HBD: variants seen among roughly 807,000 people sequenced by gnomAD.
HBD encodes the protein hemoglobin subunit delta.
Under a neutral mutation model 9.2 loss-of-function variants are expected in HBD, and 11 were observed. That is an observed-to-expected ratio of 1.20 (90% confidence interval 0.76 to 1.99). HBD has a LOEUF of 1.99. HBD is among the 30% of genes most tolerant of loss of function. The pLI is 0.00. For synonymous variants in HBD, 83 were observed against 69.4 expected, an observed-to-expected ratio of 1.20 and a Z score of -0.98; for missense variants, 189 against 174.3, an observed-to-expected ratio of 1.08 and a Z score of -0.47.
rs1195647817 is a variant in HBD at position 5,232,866 on chromosome 11, A to T, written c.*98T>A. ...AGCTGAACATTCTTTATTAGGCAGA[A>T]GCCATACCCTTGAAGTAGGCATTGT... On this transcript the variant is annotated 3_prime_UTR_variant, in exon 3 of 3. Transcript: ENST00000650601. 1.3e-5 allele frequency: 21 copies of T among 1,613,234 alleles called. No individual in the cohort carries two copies. Among genetic ancestry groups the T allele is most frequent in the Middle Eastern group, 1.6e-4 (1 of 6,082 alleles).
chr11:5,233,165 G>T, intron 2 of HBD, 73 bp from the exon 3 acceptor site: 1 of 1,545,044 alleles, frequency 6.5e-7, no homozygotes, highest in Non-Finnish European at 8.9e-7. Context: ...GAGAAACTGA[G>T]CCAACACCCA....
At chr11:5,233,232 A>G (rs1020181861) in intron 2 of HBD, 140 bp from the exon 3 acceptor site, 22 of 779,066 alleles carry the variant, frequency 2.8e-5, no homozygotes, top group Non-Finnish European at 4.4e-5. Context: ...CCATCAGCAT[A>G]AATAAGTACA....
In HBD at chr11:5,234,337, C is replaced by T; in HGVS notation, c.92+5G>A. Reference sequence around the variant, plus strand: ...TTGAGCCTCTCTTATAACCTTGATACCAACCTGCCCAGGGCCTCACCACCA... The same window carrying T: ...TTGAGCCTCTCTTATAACCTTGATATCAACCTGCCCAGGGCCTCACCACCA... On this transcript the variant is annotated splice_donor_5th_base_variant and intron_variant, in intron 1 of 2. Coordinates refer to ENST00000650601, the MANE Select transcript of HBD (RefSeq NM_000519.4). 6.2e-7 allele frequency: 1 copy of T among 1,613,224 alleles called. No homozygotes were observed. The highest frequency in any genetic ancestry group is 1.7e-4 in the Middle Eastern group (1 of 6,060).
Position 5,234,432 on chromosome 11 carries a change from ATGGTGTC to A in HBD, c.-6_1del, listed in dbSNP as rs758204272. ...CTTCTCCTCAGGAGTCAGATGCACC[ATGGTGTC>A]TGTTTGAGGTTGCTAGTGAACACTG... On this transcript the variant is annotated start_lost and start_retained_variant and 5_prime_UTR_variant, in exon 1 of 3. Transcript: ENST00000650601. The A allele has an allele frequency of 3.1e-6, 5 of 1,610,612 alleles. No homozygotes were observed. In the Admixed American group the frequency reaches 8.3e-5, roughly 27 times the overall value.
In HBD at chr11:5,232,896, C is replaced by T. The variant is rs1200979814; in HGVS notation, c.*68G>A. On this transcript the variant is annotated 3_prime_UTR_variant, in exon 3 of 3. Coordinates refer to ENST00000650601, the MANE Select transcript of HBD (RefSeq NM_000519.4). Reference sequence around the variant, plus strand: ...TACCCTTGAAGTAGGCATTGTGTTCCCAAGTTCAGAAAATAGAATCTAGGG... The same window carrying T: ...TACCCTTGAAGTAGGCATTGTGTTCTCAAGTTCAGAAAATAGAATCTAGGG... The T allele has an allele frequency of 1.2e-6, 2 of 1,613,066 alleles. No homozygotes were observed. Among genetic ancestry groups the T allele is most frequent in the Non-Finnish European group, 1.7e-6 (2 of 1,179,120 alleles).
Position 5,232,927 on chromosome 11 carries a change from G to C in HBD, c.*37C>G. On this transcript the variant is annotated 3_prime_UTR_variant, in exon 3 of 3. Coordinates refer to ENST00000650601, the MANE Select transcript of HBD (RefSeq NM_000519.4). Reference sequence around the variant, plus strand: ...TCAGAAAATAGAATCTAGGGAAATAGGGTCTTCTTATGGTTATCAGGAAAC... The same window carrying C: ...TCAGAAAATAGAATCTAGGGAAATACGGTCTTCTTATGGTTATCAGGAAAC... 2 of 1,613,672 alleles carry C rather than the reference G, an allele frequency of 1.2e-6. No individual in the cohort carries two copies. Among genetic ancestry groups the C allele is most frequent in the Non-Finnish European group, 1.7e-6 (2 of 1,179,628 alleles).
chr11:5,233,621 A>C (rs1421431103), intron 2 of HBD, among the ~76,000 whole-genome samples: 1 of 152,146 alleles, frequency 6.6e-6, no homozygotes, highest in Non-Finnish European at 1.5e-5. Context: ...CCTCTAAAAC[A>C]GTATTCTATG....
chr11:5,234,133 T>C lies in HBD; in HGVS notation c.173A>G (p.Asn58Ser). The C allele has an allele frequency of 1.9e-6, 3 of 1,614,064 alleles. No individual in the cohort carries two copies. In the African/African-American group the frequency reaches 4.0e-5, roughly 22 times the overall value. The part of the protein sequence containing the change: ...DLSSPDAVMG[N>S]PKVKAHGKKV... ...CTTGCCATGAGCCTTCACCTTAGGGTTGCCCATAACAGCATCAGGAGAGGA... is the reference window on the plus strand; with the variant it reads ...CTTGCCATGAGCCTTCACCTTAGGGCTGCCCATAACAGCATCAGGAGAGGA... The change falls in exon 2 of 3, where the codon AAC (asparagine) becomes AGC (serine). Residue 58 changes from asparagine (N) to serine (S), a missense_variant. Physicochemically the swap from Asn to Ser is conservative, Grantham distance 46 (BLOSUM62 1). Coordinates refer to ENST00000650601, the MANE Select transcript of HBD (RefSeq NM_000519.4).
chr11:5,234,142 A>G lies in HBD; in HGVS notation c.164T>C (p.Val55Ala). The G allele has an allele frequency of 6.2e-7, 1 of 1,614,088 alleles. No individual in the cohort carries two copies. Among genetic ancestry groups the G allele is most frequent in the Non-Finnish European group, 8.5e-7 (1 of 1,179,986 alleles). The change falls in exon 2 of 3, where the codon GTT (valine) becomes GCT (alanine). Residue 55 changes from valine (V) to alanine (A), a missense_variant. By Grantham distance (64) the Val-to-Ala change is moderately conservative. Transcript: ENST00000650601. ...SFGDLSSPDA[V>A]MGNPKVKAHG... ...AGCCTTCACCTTAGGGTTGCCCATA[A>G]CAGCATCAGGAGAGGACAGATCCCC...
intron 2 of HBD, among the ~76,000 whole-genome samples, 153 bp downstream of exon 2, chr11:5,233,838 A>C (rs1208730731): frequency 6.6e-6 from 1 of 152,224 alleles, no homozygotes; most frequent in Non-Finnish European, 1.5e-5. Context: ...AAAATGCAGA[A>C]TATTTAAATA....
rs768890649 is a variant in HBD at position 5,233,988 on chromosome 11, C to T, written c.315+3G>A. 5.0e-6 allele frequency: 8 copies of T among 1,613,162 alleles called. No homozygotes were observed. The highest frequency in any genetic ancestry group is 1.7e-5 in the Admixed American group (1 of 60,004). On this transcript the variant is annotated splice_donor_region_variant and intron_variant, in intron 2 of 2. Transcript: ENST00000650601. ...AGAAAAGTGAAGCATCTCCTGGACT[C>T]ACCCTGAAGTTCTCAGGATCCACGT...
At chr11:5,233,596 T>G (rs2133595742) in intron 2 of HBD, among the ~76,000 whole-genome samples, 1 of 152,268 alleles carries the variant, frequency 6.6e-6, no homozygotes, top group South Asian at 2.1e-4. Context: ...TTCCTTATTG[T>G]AAAATGATTT....
intron 2 of HBD, among the ~76,000 whole-genome samples, chr11:5,233,513 C>T (rs1014378497): frequency 6.6e-6 from 1 of 152,156 alleles, no homozygotes; most frequent in African/African-American, 2.4e-5. Flanking sequence ...AGTGTAACTG[C>T]CTAGTCTTTC....
Position 5,232,912 on chromosome 11 carries a change from G to A in HBD, c.*52C>T. On this transcript the variant is annotated 3_prime_UTR_variant, in exon 3 of 3. Coordinates refer to ENST00000650601, the MANE Select transcript of HBD (RefSeq NM_000519.4). ...ATTGTGTTCCCAAGTTCAGAAAATAGAATCTAGGGAAATAGGGTCTTCTTA... is the reference window on the plus strand; with the variant it reads ...ATTGTGTTCCCAAGTTCAGAAAATAAAATCTAGGGAAATAGGGTCTTCTTA... The A allele has an allele frequency of 6.2e-7, 1 of 1,612,804 alleles. No individual in the cohort carries two copies.
In HBD at chr11:5,234,097, C is replaced by T. The variant is rs1330185690; in HGVS notation, c.209G>A (p.Gly70Asp). The T allele has an allele frequency of 6.2e-7, 1 of 1,614,072 alleles. No homozygotes were observed. The highest frequency in any genetic ancestry group is 8.5e-7 in the Non-Finnish European group (1 of 1,180,006). ...KVKAHGKKVL[G>D]AFSDGLAHLD... ...GTGAGCCAGGCCATCACTAAAGGCA[C>T]CTAGCACCTTCTTGCCATGAGCCTT... The change falls in exon 2 of 3, where the codon GGT (glycine) becomes GAT (aspartate). Residue 70 changes from glycine to aspartate, a missense_variant. Transcript: ENST00000650601.
chr11:5,234,030 C>T lies in HBD; in HGVS notation c.276G>A (p.Leu92=), dbSNP rs1564879019. The part of the protein sequence containing the change: ...LKGTFSQLSE[L]HCDKLHVDPE... ...GATCCACGTGCAGCTTGTCACAGTG[C>T]AGCTCACTCAGCTGAGAAAAAGTGC... Residue 92 remains leucine, a synonymous_variant, in exon 2 of 3, where the codon CTG becomes CTA. Transcript: ENST00000650601. 2.5e-6 allele frequency: 4 copies of T among 1,614,100 alleles called. No homozygotes were observed. In the East Asian group the frequency reaches 8.9e-5, roughly 36 times the overall value.
chr11:5,232,849 ATTCT>A lies in HBD; in HGVS notation c.*111_*114del. 1 of 1,613,650 alleles carries A rather than the reference ATTCT, an allele frequency of 6.2e-7. No homozygotes were observed. On this transcript the variant is annotated 3_prime_UTR_variant, in exon 3 of 3. Coordinates refer to ENST00000650601, the MANE Select transcript of HBD (RefSeq NM_000519.4). ...AATTAATCAGGAAGTTGAGCTGAAC[ATTCT>A]TTATTAGGCAGAAGCCATACCCTTG...
Position 5,233,074 on chromosome 11 carries a change from C to T in HBD, c.334G>A (p.Val112Met), listed in dbSNP as rs557074441. ...ENFRLLGNVL[V>M]CVLARNFGKE... ...CCAAAGTTGCGGGCCAGCACACACA[C>T]CAGCACATTGCCCAAGAGCTGCGGA... Residue 112 changes from valine to methionine, a missense_variant, in exon 3 of 3, where the codon GTG becomes ATG. Val to Met is a conservative substitution (Grantham distance 21). Coordinates refer to ENST00000650601, the MANE Select transcript of HBD (RefSeq NM_000519.4). 2.5e-6 allele frequency: 4 copies of T among 1,614,034 alleles called. No individual in the cohort carries two copies. In the East Asian group the frequency reaches 8.9e-5, roughly 36 times the overall value.
chr11:5,233,240 A>G (rs1847693189), intron 2 of HBD, 148 bp from the exon 3 acceptor site: 2 of 748,014 alleles, frequency 2.7e-6, no homozygotes, highest in Admixed American at 4.1e-5. Context: ...ATAAATAAGT[A>G]CATATATGAA....
Sources: allele counts gnomAD v4.1 joint callset (sites outside exome capture counted in the v4.1 genomes callset), GRCh38; gene constraint gnomAD v4.1.1; transcripts MANE v1.5; gene names NCBI Gene and HGNC (gene_info 2026-07-23, HGNC 2026-07-21).